Variants in RFC4 observed in about 807,000 individuals in gnomAD.
RFC4 encodes the protein replication factor C subunit 4.
Under a neutral mutation model 47.6 loss-of-function variants are expected in RFC4, and 38 were observed. The ratio of observed to expected loss-of-function variants is 0.80; its 90% CI spans 0.62 to 1.05. The LOEUF is 1.05. Ranked by LOEUF, RFC4 falls within the 50% of genes least tolerant of loss-of-function variation. The probability of loss-of-function intolerance (pLI) is 0.00; values close to 1 mark genes in which losing one functional copy is unlikely to be tolerated. For missense variants in RFC4, 489 were observed against 434.0 expected (o/e 1.13, Z -1.13); for synonymous variants, 164 against 150.0 (o/e 1.09, Z -0.68).
rs1722267892 is a variant in RFC4 at position 186,797,563 on chromosome 3, T to C, written c.262A>G (p.Ile88Val). The change falls in exon 4 of 11, where the codon ATT becomes GTT. Residue 88 changes from isoleucine (I) to valine (V), a missense_variant. This residue lies in a region of RFC4 where 206 missense variants were observed against 257.8 expected (regional missense o/e 0.80). Coordinates refer to ENST00000296273, the MANE Select transcript of RFC4 (RefSeq NM_002916.5). ...GPPGTGKTST[I>V]LAAARELFGP... ...AAGAGTTCTCTAGCTGCTGCCAAAA[T>C]AGTGGATGTTTTTCCAGTTCCAGGT... 3.7e-6 allele frequency: 6 copies of C among 1,612,046 alleles called. No individual in the cohort carries two copies. Among genetic ancestry groups the C allele is most frequent in the Non-Finnish European group, 4.2e-6 (5 of 1,178,754 alleles).
intron 8 of RFC4, 47 bp downstream of exon 8, chr3:186,791,678 A>C (rs1267033130): frequency 1.9e-6 from 3 of 1,591,868 alleles, no homozygotes; most frequent in Non-Finnish European, 2.6e-6. Context: ...CCTAAAAGCC[A>C]CAAAAAAGCC....
At chr3:186,802,572 T>C (rs1722380948) in intron 2 of RFC4, among the ~76,000 whole-genome samples, 1 of 152,160 alleles carries the variant, frequency 6.6e-6, no homozygotes, top group Non-Finnish European at 1.5e-5. Context: ...ATATGAAGTA[T>C]CATATATAAT....
intron 2 of RFC4, among the ~76,000 whole-genome samples, chr3:186,804,049 G>T (rs925271675): frequency 6.6e-6 from 1 of 152,000 alleles, no homozygotes; most frequent in Non-Finnish European, 1.5e-5. Flanking sequence ...CAGGTGTGGT[G>T]GTGGGCACCT....
chr3:186,799,727 A>AT (rs1279059490), intron 3 of RFC4, among the ~76,000 whole-genome samples: 1 of 152,038 alleles, frequency 6.6e-6, no homozygotes, highest in Non-Finnish European at 1.5e-5. Context: ...ACAAAAAAAA[A>AT]CAAAAAAACA....
intron 2 of RFC4, among the ~76,000 whole-genome samples, chr3:186,801,841 C>T (rs928322170): frequency 2.0e-5 from 3 of 150,670 alleles, no homozygotes; most frequent in African/African-American, 4.9e-5. Context: ...CTGACCAACA[C>T]GGAGAAACAC....
intron 3 of RFC4, among the ~76,000 whole-genome samples, chr3:186,799,068 T>C (rs1722300499): frequency 6.6e-6 from 1 of 152,200 alleles, no homozygotes. Context: ...TTCTTAGTAA[T>C]TAAGGTCTAC....
intron 2 of RFC4, among the ~76,000 whole-genome samples, chr3:186,803,782 G>A (rs1722414278): frequency 6.6e-6 from 1 of 151,790 alleles, no homozygotes; most frequent in South Asian, 2.1e-4. Context: ...AAATTGCTGG[G>A]ATTACATACA....
chr3:186,797,766 T>C (rs767589112), intron 3 of RFC4, 152 bp from the exon 4 acceptor site: 5 of 544,244 alleles, frequency 9.2e-6, no homozygotes, highest in African/African-American at 1.9e-5. Flanking sequence ...ATAACTGATA[T>C]CATAGTACTG....
chr3:186,797,699 T>C (rs1337933100), intron 3 of RFC4, 85 bp from the exon 4 acceptor site: 2 of 912,290 alleles, frequency 2.2e-6, no homozygotes, highest in African/African-American at 1.7e-5. Flanking sequence ...GTCTGTGGAA[T>C]AGTGCAATGA....
intron 2 of RFC4, among the ~76,000 whole-genome samples, chr3:186,802,178 C>T (rs901275278): frequency 6.6e-6 from 1 of 151,908 alleles, no homozygotes; most frequent in Non-Finnish European, 1.5e-5. Context: ...CATGGTGAAA[C>T]CCCGTCTGTA....
intron 8 of RFC4, among the ~76,000 whole-genome samples, chr3:186,790,828 C>A (rs1362790855): frequency 6.6e-6 from 1 of 152,060 alleles, no homozygotes; most frequent in East Asian, 1.9e-4. Context: ...TTTAAAAAGT[C>A]CACAATATCC....
chr3:186,794,642 G>C lies in RFC4; in HGVS notation c.410+16C>G, dbSNP rs775738015. On this transcript the variant is annotated intron_variant, in intron 5 of 10. Transcript: ENST00000296273. ...AATAATACATGCTATGGAGGAGGGA[G>C]GGCAAATTTACTTACTCTGAGCGAC... 6.2e-7 allele frequency: 1 copy of C among 1,611,206 alleles called. No individual in the cohort carries two copies. Among genetic ancestry groups the C allele is most frequent in the Non-Finnish European group, 8.5e-7 (1 of 1,178,722 alleles).
chr3:186,793,057 C>G lies in RFC4; in HGVS notation c.411-110G>C. 4.4e-6 allele frequency: 4 copies of G among 912,490 alleles called. No individual in the cohort carries two copies. The highest frequency in any genetic ancestry group is 6.4e-6 in the Non-Finnish European group (4 of 624,148). 56.5% of individuals were successfully genotyped at this position (912,490 alleles called of 1,614,324 possible). ...ATTCACCCATTTAAAATGTACAATT[C>G]AGTGTTTTTCTGTATGTTCACAAAG... On this transcript the variant is annotated intron_variant, in intron 5 of 10. Coordinates refer to ENST00000296273, the MANE Select transcript of RFC4 (RefSeq NM_002916.5). This position sits in a 1 kb window ranked among gnomAD's most constrained non-coding sequence, Gnocchi z 4.2.
rs1442465265 is a variant in RFC4, at chr3:186,793,860, C to T, written c.410+798G>A. 3.3e-5 allele frequency among the ~76,000 whole-genome samples: 5 copies of T among 152,036 alleles called. No individual in the cohort carries two copies. Among genetic ancestry groups the T allele is most frequent in the African/African-American group, 7.2e-5 (3 of 41,476 alleles). ...GCCTCAGCCTCCCGAGTAGCTGGGA[C>T]TACAGGCGCCCGCCACCACACCCAG... On this transcript the variant is annotated intron_variant, in intron 5 of 10. Transcript: ENST00000296273. This position sits in a 1 kb window ranked among gnomAD's most constrained non-coding sequence, Gnocchi z 4.2.
intron 2 of RFC4, 21 bp downstream of exon 2, chr3:186,804,562 C>T: frequency 6.2e-7 from 1 of 1,604,116 alleles, no homozygotes; most frequent in Non-Finnish European, 8.5e-7. Flanking sequence ...ATTATTTTAA[C>T]AAAGACACAA....
rs768556774 is a variant in RFC4, at chr3:186,790,277, G to A, written c.883-22C>T. 1.7e-5 allele frequency: 27 copies of A among 1,610,260 alleles called. No individual in the cohort carries two copies. In the African/African-American group the frequency reaches 2.1e-4, roughly 13 times the overall value. Reference sequence around the variant, plus strand: ...AATCCTATAATAAAAAAAACTTTTGGTATGATGACTTAATATTCCTTTCCC... The same window carrying A: ...AATCCTATAATAAAAAAAACTTTTGATATGATGACTTAATATTCCTTTCCC... On this transcript the variant is annotated intron_variant, in intron 9 of 10. Coordinates refer to ENST00000296273, the MANE Select transcript of RFC4 (RefSeq NM_002916.5).
chr3:186,802,494 C>T (rs1722379223), intron 2 of RFC4, among the ~76,000 whole-genome samples: 1 of 152,132 alleles, frequency 6.6e-6, no homozygotes, highest in Non-Finnish European at 1.5e-5. Flanking sequence ...TTTCCATCAT[C>T]TAACTGCATA....
Position 186,793,200 on chromosome 3 carries a change from T to C in RFC4, c.411-253A>G, listed in dbSNP as rs981321116. On this transcript the variant is annotated intron_variant, in intron 5 of 10. Coordinates refer to ENST00000296273, the MANE Select transcript of RFC4 (RefSeq NM_002916.5). The surrounding 1 kb of genome is among the most constrained non-coding windows in gnomAD (Gnocchi z 4.2). ...GTCATTCCCAGCTCTAGGCAATCAT[T>C]AGTCTACTTTCATCTCTATAGATTT... Among the ~76,000 whole-genome samples, 1 of 152,214 alleles carries C rather than the reference T, an allele frequency of 6.6e-6. No individual in the cohort carries two copies. The highest frequency in any genetic ancestry group is 1.5e-5 in the Non-Finnish European group (1 of 68,042).
intron 6 of RFC4, 23 bp from the exon 7 acceptor site, chr3:186,792,633 A>C: frequency 6.3e-7 from 1 of 1,599,034 alleles, no homozygotes. Context: ...AGAAAAACCA[A>C]GTTGGTGTCT....
Sources: allele counts gnomAD v4.1 joint callset (sites outside exome capture counted in the v4.1 genomes callset), GRCh38; gene constraint gnomAD v4.1.1; regional missense constraint gnomAD v4.1.1; non-coding constraint Gnocchi (gnomAD v3.1); transcripts MANE v1.5; gene names NCBI Gene and HGNC (gene_info 2026-07-23, HGNC 2026-07-21).